SEMA6C: variants seen among roughly 807,000 people sequenced by gnomAD.
SEMA6C encodes the protein semaphorin 6C, also known as semaphorin-6C.
Under a neutral mutation model 72.9 loss-of-function variants are expected in SEMA6C, and 37 were observed. The ratio of observed to expected loss-of-function variants is 0.51; its 90% confidence interval spans 0.39 to 0.67. The LOEUF (loss-of-function observed/expected upper bound fraction) is 0.67. Among genes scored for constraint, SEMA6C ranks in the 30% least tolerant of loss-of-function variants. The pLI is 0.00. For missense variants in SEMA6C, 1,189 were observed against 1,263.6 expected (o/e 0.94, Z 0.89); for synonymous variants, 578 against 554.1 (o/e 1.04, Z -0.61).
chr1:151,143,687 C>A (rs1451426584), intron 2 of SEMA6C, among the ~76,000 whole-genome samples: 1 of 152,194 alleles, frequency 6.6e-6, no homozygotes, highest in Non-Finnish European at 1.5e-5. Context: ...TCTCCTTCCA[C>A]CATCAGCCTC....
intron 10 of SEMA6C, 32 bp downstream of exon 10, chr1:151,137,679 C>T (rs1282921628): frequency 1.3e-6 from 2 of 1,581,052 alleles, no homozygotes; most frequent in Admixed American, 1.7e-5. Flanking sequence ...GCAGAACCCT[C>T]CAGCTACCCA....
Position 151,139,419 on chromosome 1 carries a change from C to T in SEMA6C, c.354+6G>A, listed in dbSNP as rs1374364106. 1.9e-6 allele frequency: 3 copies of T among 1,613,182 alleles called. No homozygotes were observed. The highest frequency in any genetic ancestry group is 4.5e-5 in the East Asian group (2 of 44,884). On this transcript the variant is annotated splice_donor_region_variant and intron_variant, in intron 6 of 18. Coordinates refer to ENST00000368914, the MANE Select transcript of SEMA6C (RefSeq NM_030913.6). ...CTTCCCTCCACATTCTCGTCTCACT[C>T]CTTACCGTCAGCTTTCCCCGTACAG... is the stretch of plus-strand genomic sequence containing the variant.
chr1:151,132,977 A>C lies in SEMA6C; in HGVS notation c.2300T>G (p.Leu767Arg). ...CPGQAVEVTTLEELLRYLHGP... is the reference protein window; with the variant it reads ...CPGQAVEVTTREELLRYLHGP... ...GTGCAGGTAGCGCAGCAGTTCCTCC[A>C]GGGTGGTGACTTCCACGGCCTGCCC... is the stretch of plus-strand genomic sequence containing the variant. The change falls in exon 19 of 19, where the codon CTG becomes CGG. Residue 767 changes from leucine to arginine, a missense_variant. Physicochemically the swap from Leu to Arg is moderately radical, Grantham distance 102. Around this residue, in one of 2 missense-constraint regions of SEMA6C, gnomAD observed 721 missense variants for 686.2 expected, o/e 1.05. Coordinates refer to ENST00000368914, the MANE Select transcript of SEMA6C (RefSeq NM_030913.6). 1 of 1,412,652 alleles carries C rather than the reference A, an allele frequency of 7.1e-7. No individual in the cohort carries two copies. Among genetic ancestry groups the C allele is most frequent in the African/African-American group, 1.5e-5 (1 of 65,258 alleles). The allele number at this position is 1,412,652 out of a possible 1,614,324, so 87.5% of individuals were successfully genotyped here. A position where few individuals can be genotyped will look rare whatever the true frequency, so the allele number is the denominator to read the frequency against.
intron 6 of SEMA6C, 101 bp downstream of exon 6, chr1:151,139,324 A>G (rs1051571814): frequency 2.0e-6 from 2 of 998,482 alleles, no homozygotes; most frequent in Non-Finnish European, 3.2e-6. Flanking sequence ...CTGGGATGGA[A>G]AAAGTGTGAA....
At position 151,142,630 on chromosome 1, in the gene SEMA6C, G is replaced by A. The variant is rs774011436; in HGVS notation, c.-9C>T. 1 of 1,545,082 alleles carries A rather than the reference G, an allele frequency of 6.5e-7. No homozygotes were observed. Among genetic ancestry groups the A allele is most frequent in the South Asian group, 1.3e-5 (1 of 79,198 alleles). On this transcript the variant is annotated 5_prime_UTR_variant, in exon 3 of 19. Transcript: ENST00000368914. ...TGGGGGGCACGGGGCATCCTGTGCG[G>A]GGCAGCTCAGGCCCCAGGGGGTGCC... is the stretch of plus-strand genomic sequence containing the variant.
Position 151,132,926 on chromosome 1 carries a change from G to T in SEMA6C, c.2351C>A (p.Ala784Asp), listed in dbSNP as rs1249241031. 3 of 1,391,964 alleles carry T rather than the reference G, an allele frequency of 2.2e-6. No individual in the cohort carries two copies. Among genetic ancestry groups the T allele is most frequent in the Non-Finnish European group, 2.8e-6 (3 of 1,072,110 alleles). The allele number at this position is 1,391,964 out of a possible 1,614,324, so 86.2% of individuals were successfully genotyped here. A position where few individuals can be genotyped will look rare whatever the true frequency, so the allele number is the denominator to read the frequency against. ...CGAGGTTAAAGGGGCGGGGGGCTCGGCCCCCTTTCTGGGCGGCTGCGGGCC... is the reference window on the plus strand; with the variant it reads ...CGAGGTTAAAGGGGCGGGGGGCTCGTCCCCCTTTCTGGGCGGCTGCGGGCC... ...LHGPQPPRKG[A>D]EPPAPLTSRA... Residue 784 changes from alanine to aspartate, a missense_variant, in exon 19 of 19, where the codon GCC (alanine) becomes GAC (aspartate). Around this residue, in one of 2 missense-constraint regions of SEMA6C, gnomAD observed 721 missense variants for 686.2 expected, o/e 1.05. Coordinates refer to ENST00000368914, the MANE Select transcript of SEMA6C (RefSeq NM_030913.6).
chr1:151,145,619 G>C lies in SEMA6C; in HGVS notation c.-105+814C>G, dbSNP rs587760442. The C allele has an allele frequency of 1.3e-5, 2 of 158,018 alleles. No homozygotes were observed. The highest frequency in any genetic ancestry group is 4.8e-5 in the African/African-American group (2 of 41,838). The allele number at this position is 158,018 out of a possible 1,614,324, so 9.8% of individuals were successfully genotyped here. On this transcript the variant is annotated intron_variant, in intron 1 of 18. Coordinates refer to ENST00000368914, the MANE Select transcript of SEMA6C (RefSeq NM_030913.6). This position sits in a 1 kb window ranked among gnomAD's most constrained non-coding sequence, Gnocchi z 4.4. ...GGGGCCGGTAGCAGAGTCTGGGCCG[G>C]GACCGGGTCCCAGAGCCACGTTAGC... is the stretch of plus-strand genomic sequence containing the variant.
Position 151,136,572 on chromosome 1 carries a change from C to T in SEMA6C, c.982G>A (p.Gly328Ser). 1.2e-6 allele frequency: 2 copies of T among 1,613,976 alleles called. No individual in the cohort carries two copies. The highest frequency in any genetic ancestry group is 1.7e-6 in the Non-Finnish European group (2 of 1,179,982). The change falls in exon 12 of 19, where the codon GGC (glycine) becomes AGC (serine). Residue 328 changes from glycine (G) to serine (S), a missense_variant. Physicochemically the swap from Gly to Ser is moderately conservative, Grantham distance 56. Coordinates refer to ENST00000368914, the MANE Select transcript of SEMA6C (RefSeq NM_030913.6). ...AGGTAGAAGGCGCAGACGGCAGAGCCAGGGATGCTGGAGGAGCCAGAAAAG... is the reference window on the plus strand; with the variant it reads ...AGGTAGAAGGCGCAGACGGCAGAGCTAGGGATGCTGGAGGAGCCAGAAAAG... ...VFTTQTNSIP[G>S]SAVCAFYLDE... is the part of the protein sequence containing the mutation.
intron 9 of SEMA6C, 79 bp from the exon 10 acceptor site, chr1:151,137,878 C>G (rs587658901): frequency 6.3e-7 from 1 of 1,579,530 alleles, no homozygotes; most frequent in East Asian, 2.3e-5. Flanking sequence ...CACCGCTCTC[C>G]CCATTGCATA....
At position 151,132,214 on chromosome 1, in the gene SEMA6C, G is replaced by T. The variant is rs1681588109; in HGVS notation, c.*270C>A. 1 of 1,495,072 alleles carries T rather than the reference G, an allele frequency of 6.7e-7. No homozygotes were observed. The highest frequency in any genetic ancestry group is 1.2e-5 in the South Asian group (1 of 82,802). The allele number at this position is 1,495,072 out of a possible 1,614,324, so 92.6% of individuals were successfully genotyped here. On this transcript the variant is annotated 3_prime_UTR_variant, in exon 19 of 19. Transcript: ENST00000368914. ...GGGGCGAGTTAAGGCAGCTTGGCTG[G>T]AAGGGAGCGGGGAGTGGGAGTCCGC... is the stretch of plus-strand genomic sequence containing the variant.
intron 3 of SEMA6C, among the ~76,000 whole-genome samples, chr1:151,142,106 C>T (rs1021112794): frequency 4.0e-5 from 6 of 150,948 alleles, no homozygotes; most frequent in African/African-American, 7.3e-5. Flanking sequence ...CAGCGATATC[C>T]GCTCACTGCA....
Position 151,133,963 on chromosome 1 carries a change from G to A in SEMA6C, c.1759+438C>T, listed in dbSNP as rs1001477370. On this transcript the variant is annotated intron_variant, in intron 18 of 18. Coordinates refer to ENST00000368914, the MANE Select transcript of SEMA6C (RefSeq NM_030913.6). This position sits in a 1 kb window ranked among gnomAD's most constrained non-coding sequence, Gnocchi z 5.9. Reference sequence around the variant, plus strand: ...CTCTCCCAAGTAGCCCCCTTACCCCGAGTGTGAACTCCAAGAGTGGAAGAC... The same window carrying A: ...CTCTCCCAAGTAGCCCCCTTACCCCAAGTGTGAACTCCAAGAGTGGAAGAC... 4.6e-6 allele frequency: 7 copies of A among 1,534,088 alleles called. No individual in the cohort carries two copies. In the East Asian group the frequency reaches 1.2e-4, roughly 27 times the overall value.
In SEMA6C at chr1:151,133,354, C is replaced by G. The variant is rs751758156; in HGVS notation, c.1923G>C (p.Glu641Asp). The G allele has an allele frequency of 4.9e-5, 78 of 1,599,472 alleles. No homozygotes were observed. Among genetic ancestry groups the G allele is most frequent in the Non-Finnish European group, 6.5e-5 (76 of 1,175,332 alleles). The change falls in exon 19 of 19, where the codon GAG (glutamate) becomes GAC (aspartate). Residue 641 changes from glutamate (E) to aspartate (D), a missense_variant. Transcript: ENST00000368914. The surrounding 1 kb of genome is among the most constrained non-coding windows in gnomAD (Gnocchi z 5.9). ...RAHRRRGKDI[E>D]TPGLPRPLSL... ...AGAGAGGGCGCGGGAGCCCCGGAGT[C>G]TCGATGTCCTTGCCCCGACGTCGGT...
At chr1:151,140,976 C>T (rs1382367163) in intron 3 of SEMA6C, among the ~76,000 whole-genome samples, 4 of 145,408 alleles carry the variant, frequency 2.8e-5, no homozygotes, top group African/African-American at 7.7e-5. Context: ...CTAGCCTGGG[C>T]AACAGTGCAA....
In SEMA6C at chr1:151,133,340, G is replaced by C; in HGVS notation, c.1937C>G (p.Pro646Arg). The C allele has an allele frequency of 6.3e-7, 1 of 1,596,734 alleles. No individual in the cohort carries two copies. Among genetic ancestry groups the C allele is most frequent in the Non-Finnish European group, 8.5e-7 (1 of 1,174,176 alleles). Residue 646 changes from proline to arginine, a missense_variant, in exon 19 of 19, where the codon CCG (proline) becomes CGG (arginine). Transcript: ENST00000368914. The surrounding 1 kb of genome is among the most constrained non-coding windows in gnomAD (Gnocchi z 5.9). ...CAAACTGCGGAGGGAGAGAGGGCGC[G>C]GGAGCCCCGGAGTCTCGATGTCCTT... is the stretch of plus-strand genomic sequence containing the variant. ...RGKDIETPGL[P>R]RPLSLRSLAR...
In SEMA6C at chr1:151,139,985, A is replaced by G; in HGVS notation, c.224T>C (p.Val75Ala). 6.2e-7 allele frequency: 1 copy of G among 1,614,032 alleles called. No homozygotes were observed. The highest frequency in any genetic ancestry group is 1.1e-5 in the South Asian group (1 of 91,056). The change falls in exon 4 of 19, where the codon GTG becomes GCG. Residue 75 changes from valine (V) to alanine (A), a missense_variant. This residue lies in a region of SEMA6C where 468 missense variants were observed against 577.4 expected (regional missense o/e 0.81). Coordinates refer to ENST00000368914, the MANE Select transcript of SEMA6C (RefSeq NM_030913.6). ...GCCACGGCCAGTTTACCGGGCAGCC[A>G]CTAGCAAGGTCCGGTTCAAGGTCAG... The part of the protein sequence containing the change: ...RFLTLNRTLL[V>A]AARDHVFSFD...
At position 151,136,165 on chromosome 1, in the gene SEMA6C, T is replaced by C; in HGVS notation, c.1107-2A>G. On this transcript the variant is annotated splice_acceptor_variant, in intron 12 of 18. Transcript: ENST00000368914. LOFTEE classifies it high-confidence loss of function. ...CCTACTCCTGCACAGGATCCTGGCC[T>C]GGTGGGTGAATGGGAAGGGGCTGCC... is the stretch of plus-strand genomic sequence containing the variant. The C allele has an allele frequency of 1.9e-6, 3 of 1,613,452 alleles. No individual in the cohort carries two copies. Among genetic ancestry groups the C allele is most frequent in the Non-Finnish European group, 1.7e-6 (2 of 1,179,876 alleles).
rs751874394 is a variant in SEMA6C at position 151,133,383 on chromosome 1, C to T, written c.1894G>A (p.Ala632Thr). The change falls in exon 19 of 19, where the codon GCC becomes ACC. Residue 632 changes from alanine (A) to threonine (T), a missense_variant. By Grantham distance (58) the Ala-to-Thr change is moderately conservative (BLOSUM62 0). Transcript: ENST00000368914. The surrounding 1 kb of genome is among the most constrained non-coding windows in gnomAD (Gnocchi z 5.9). Reference protein sequence around the residue: ...GLLVSCACRRAHRRRGKDIET... With the variant: ...GLLVSCACRRTHRRRGKDIET... ...ATGTCCTTGCCCCGACGTCGGTGGGCGCGGCGACAAGCACAGGAGACCAGG... is the reference window on the plus strand; with the variant it reads ...ATGTCCTTGCCCCGACGTCGGTGGGTGCGGCGACAAGCACAGGAGACCAGG... The T allele has an allele frequency of 1.8e-5, 29 of 1,599,304 alleles. No individual in the cohort carries two copies. The highest frequency in any genetic ancestry group is 4.0e-5 in the African/African-American group (3 of 74,686).
Position 151,138,045 on chromosome 1 carries a change from C to A in SEMA6C, c.608G>T (p.Arg203Ile). The change falls in exon 9 of 19, where the codon AGA becomes ATA. Residue 203 changes from arginine to isoleucine, a missense_variant. This residue lies in a region of SEMA6C where 468 missense variants were observed against 577.4 expected (regional missense o/e 0.81). Coordinates refer to ENST00000368914, the MANE Select transcript of SEMA6C (RefSeq NM_030913.6). ...GAGTGGGGGCTGGGGCCCAAGGCTT[C>A]TGTAAACTACAGCATCACTGGCCTG... ...DFQASDAVVY[R>I]SLGPQPPLRS... 3 of 1,614,224 alleles carry A rather than the reference C, an allele frequency of 1.9e-6. No homozygotes were observed. Among genetic ancestry groups the A allele is most frequent in the Non-Finnish European group, 2.5e-6 (3 of 1,180,036 alleles).
Sources: gnomAD v4.1 joint callset for allele counts (sites outside exome capture counted in the v4.1 genomes callset) on GRCh38, gnomAD v4.1.1 for gene constraint, gnomAD v4.1.1 regional missense constraint, Gnocchi (gnomAD v3.1) non-coding constraint, MANE v1.5 for transcripts, NCBI Gene and HGNC (gene_info 2026-07-23, HGNC 2026-07-21) for gene names.